Variants in ROBO2 observed in about 807,000 individuals in gnomAD.
ROBO2 encodes the protein roundabout guidance receptor 2, also known as roundabout homolog 2.
ROBO2 carries 53 observed loss-of-function variants against 160.8 expected under a neutral mutation model. The observed-to-expected ratio is 0.33, with a 90% CI of 0.26 to 0.41. The LOEUF (loss-of-function observed/expected upper bound fraction) is 0.41, where lower values mean the gene tolerates loss of function less well. ROBO2 is among the 10% of genes least tolerant of loss of function. The pLI is 1.00. For missense variants in ROBO2, 1,577 were observed against 1,722.4 expected (o/e 0.92, Z 1.49); for synonymous variants, 664 against 611.7 (o/e 1.09, Z -1.26).
intron 2 of ROBO2, among the ~76,000 whole-genome samples, chr3:76,953,646 C>G (rs2079080718): frequency 6.6e-6 from 1 of 152,142 alleles, no homozygotes; most frequent in African/African-American, 2.4e-5. Flanking sequence ...TCATTTCGGT[C>G]TATATTTCTG....
intron 2 of ROBO2, among the ~76,000 whole-genome samples, chr3:76,732,406 G>A (rs754787016): frequency 7.2e-5 from 11 of 152,288 alleles, no homozygotes; most frequent in East Asian, 1.9e-4. Flanking sequence ...GGCTTAACTA[G>A]GGAAGAATGG....
chr3:76,465,526 G>T (rs1221836415), intron 2 of ROBO2, among the ~76,000 whole-genome samples: 1 of 151,948 alleles, frequency 6.6e-6, no homozygotes, highest in East Asian at 1.9e-4. Context: ...AAAAATGATG[G>T]ATGATAAGAA....
chr3:76,418,286 CA>C (rs1218686694), intron 2 of ROBO2, among the ~76,000 whole-genome samples: 12 of 149,906 alleles, frequency 8.0e-5, no homozygotes, highest in African/African-American at 3.0e-4. Flanking sequence ...GTTCTGCCGC[CA>C]GGCTGAAGTG....
chr3:77,521,919 T>C (rs765576303), intron 5 of ROBO2, among the ~76,000 whole-genome samples: 56 of 151,164 alleles, frequency 3.7e-4, no homozygotes, highest in Non-Finnish European at 7.0e-4. Context: ...CTGTGGTATG[T>C]ATGAGGAAGA....
intron 2 of ROBO2, among the ~76,000 whole-genome samples, chr3:76,633,889 TA>T (rs34375806): frequency 0.19 from 29,091 of 152,142 alleles, 2,922 homozygotes; most frequent in Middle Eastern, 0.26. Flanking sequence ...GCCTCACTGA[TA>T]ACCCCAACAA....
intron 2 of ROBO2, among the ~76,000 whole-genome samples, chr3:76,066,261 C>G (rs934309121): frequency 6.6e-6 from 1 of 152,024 alleles, no homozygotes; most frequent in Non-Finnish European, 1.5e-5. Flanking sequence ...TGAAATTATT[C>G]TTTGTAAGCT....
intron 13 of ROBO2, among the ~76,000 whole-genome samples, chr3:77,573,478 A>T (rs1243418647): frequency 6.6e-6 from 1 of 152,076 alleles, no homozygotes; most frequent in Non-Finnish European, 1.5e-5. Context: ...ACTGTATCTT[A>T]AATAAATGAA....
intron 2 of ROBO2, among the ~76,000 whole-genome samples, chr3:77,328,581 T>C (rs1358028046): frequency 6.6e-6 from 1 of 152,190 alleles, no homozygotes; most frequent in African/African-American, 2.4e-5. Context: ...GTTTAACTTA[T>C]AGTAATGATG....
At position 76,291,873 on chromosome 3, in the gene ROBO2, C is replaced by A. The variant is rs544113247; in HGVS notation, c.109+354271C>A. ...TTTATATTTTTATTGTGCTGTTGTC[C>A]AAGGGTGTAGTTGATATGATTTTTT... On this transcript the variant is annotated intron_variant, in intron 2 of 26. Transcript: ENST00000487694. 2.0e-5 allele frequency among the ~76,000 whole-genome samples: 3 copies of A among 151,240 alleles called. No individual in the cohort carries two copies. The South Asian group carries it at 6.3e-4, about 32-fold the overall frequency.
chr3:76,485,896 C>A (rs1444403936), intron 2 of ROBO2, among the ~76,000 whole-genome samples: 1 of 152,098 alleles, frequency 6.6e-6, no homozygotes, highest in African/African-American at 2.4e-5. Flanking sequence ...CCTTGCTCAC[C>A]ATTCTAAACT....
At chr3:77,562,557 A>T (rs2093355529) in intron 9 of ROBO2, 94 bp from the exon 11 acceptor site, 1 of 850,616 alleles carries the variant, frequency 1.2e-6, no homozygotes, top group Admixed American at 2.0e-5. Flanking sequence ...GATACATCTA[A>T]TTTTAAGAAA....
intron 2 of ROBO2, among the ~76,000 whole-genome samples, chr3:76,878,311 A>G (rs1254557604): frequency 6.6e-6 from 1 of 152,194 alleles, no homozygotes. Context: ...TAAGCAGCTA[A>G]TGTTAAATGA....
intron 2 of ROBO2, among the ~76,000 whole-genome samples, chr3:77,145,593 T>C (rs1445396816): frequency 1.3e-5 from 2 of 152,170 alleles, no homozygotes; most frequent in Non-Finnish European, 2.9e-5. Flanking sequence ...TTAAGCAAAC[T>C]ATAGAACTAT....
intron 2 of ROBO2, among the ~76,000 whole-genome samples, chr3:76,400,815 G>A (rs2324508): frequency 0.017 from 2,542 of 151,500 alleles, 50 homozygotes; most frequent in South Asian, 0.041. Context: ...TTAAAATAAT[G>A]TAGACCATTC....
chr3:76,655,114 T>C, intron 2 of ROBO2, among the ~76,000 whole-genome samples: 1 of 150,718 alleles, frequency 6.6e-6, no homozygotes, highest in East Asian at 2.0e-4. Context: ...AGTATGGCTG[T>C]GAACATTCCT....
At chr3:76,177,863 A>C (rs893085523) in intron 2 of ROBO2, among the ~76,000 whole-genome samples, 3 of 152,162 alleles carry the variant, frequency 2.0e-5, no homozygotes, top group African/African-American at 7.2e-5. Context: ...CTGAGTGGCA[A>C]ATTACCTACA....
chr3:77,560,142 T>TG (rs1413996280), intron 9 of ROBO2, among the ~76,000 whole-genome samples: 3 of 152,056 alleles, frequency 2.0e-5, no homozygotes, highest in African/African-American at 7.2e-5. Context: ...TAAAGGTGGG[T>TG]GCTTGATGAT....
intron 2 of ROBO2, among the ~76,000 whole-genome samples, chr3:76,378,942 C>A (rs925242212): frequency 5.9e-5 from 9 of 152,144 alleles, no homozygotes; most frequent in Non-Finnish European, 1.2e-4. Context: ...CTTTGCTATG[C>A]ACAGCTGAAA....
rs553949559 is a variant in ROBO2, at chr3:76,216,998, T to G, written c.109+279396T>G. ...GTGCAATCAAACTAGAACTCAGGAT[T>G]AAGAAACTCACTCAAAACCGCTCAA... On this transcript the variant is annotated intron_variant, in intron 2 of 26. Coordinates refer to the ROBO2 transcript ENST00000487694. 6.6e-3 allele frequency among the ~76,000 whole-genome samples: 1,006 copies of G among 152,274 alleles called. 12 individuals are homozygous for G. The highest frequency in any genetic ancestry group is 0.022 in the African/African-American group (910 of 41,534).
Sources: gnomAD v4.1 joint callset for allele counts (sites outside exome capture counted in the v4.1 genomes callset) on GRCh38, gnomAD v4.1.1 for gene constraint, MANE v1.5 for transcripts, NCBI Gene and HGNC (gene_info 2026-07-23, HGNC 2026-07-21) for gene names.